The following ZFHX3 variants were observed in gnomAD, a reference collection of about 807,000 sequenced individuals.
ZFHX3 encodes zinc finger homeobox protein 3.
A neutral mutation model predicts 279.1 loss-of-function variants in ZFHX3; 42 were observed. The ratio of observed to expected loss-of-function variants is 0.15; its 90% confidence interval spans 0.12 to 0.19. The LOEUF (loss-of-function observed/expected upper bound fraction) is 0.19. Ranked by LOEUF, ZFHX3 falls within the 10% of genes least tolerant of loss-of-function variation. The probability of loss-of-function intolerance (pLI) is 1.00; values close to 1 mark genes in which losing one functional copy is unlikely to be tolerated. For synonymous variants in ZFHX3, 2,293 were observed against 1,957.8 expected (o/e 1.17, Z -4.52); for missense variants, 4,981 against 4,754.0 (o/e 1.05, Z -1.40).
At chr16:73,433,606 A>G (rs1187277476) in intron 3 of ZFHX3, among the ~76,000 whole-genome samples, 1 of 152,116 alleles carries the variant, frequency 6.6e-6, no homozygotes, top group Non-Finnish European at 1.5e-5. Context: ...TTTGCTTGCC[A>G]AGAGCAGTTT....
chr16:73,448,334 G>A (rs1450073457), intron 3 of ZFHX3, among the ~76,000 whole-genome samples: 1 of 152,032 alleles, frequency 6.6e-6, no homozygotes. Flanking sequence ...AGTTAAATAT[G>A]GCACACATTT....
At chr16:73,803,798 TAAAAGG>T (rs1293466191) in intron 1 of ZFHX3, among the ~76,000 whole-genome samples, 3 of 152,114 alleles carry the variant, frequency 2.0e-5, no homozygotes, top group Non-Finnish European at 4.4e-5. Context: ...TAAAGTAAAA[TAAAAGG>T]AACAATTTTT....
intron 1 of ZFHX3, among the ~76,000 whole-genome samples, chr16:73,687,011 A>AATATATATATATATATATATAT (rs58565282): frequency 1.9e-5 from 1 of 53,228 alleles, no homozygotes; most frequent in Non-Finnish European, 3.5e-5. Context: ...TTTGCAGCTA[A>AATATATATATATATATATATAT]ATATATATAT....
chr16:73,793,923 G>A (rs1288504599), intron 1 of ZFHX3, among the ~76,000 whole-genome samples: 2 of 151,446 alleles, frequency 1.3e-5, no homozygotes, highest in Non-Finnish European at 2.9e-5. Flanking sequence ...CCTTTGGGTG[G>A]TGATTGGGGG....
At chr16:72,899,744 A>C (rs560531299) in intron 3 of ZFHX3, among the ~76,000 whole-genome samples, 1 of 152,184 alleles carries the variant, frequency 6.6e-6, no homozygotes, top group African/African-American at 2.4e-5. Context: ...AACAGGGACA[A>C]TAACAGAGCC....
chr16:72,790,728 C>G (rs2035662825), intron 9 of ZFHX3: 1 of 152,160 alleles, frequency 6.6e-6, no homozygotes, highest in Non-Finnish European at 1.5e-5. Context: ...GTTAAATTGG[C>G]ACAAACAAGA....
chr16:73,067,596 G>A (rs923478111), intron 8 of ZFHX3, among the ~76,000 whole-genome samples: 1 of 152,200 alleles, frequency 6.6e-6, no homozygotes, highest in Non-Finnish European at 1.5e-5. Flanking sequence ...ACTAGTTCCT[G>A]CTGTGCAGTT....
At chr16:73,263,940 G>A (rs1444027593) in intron 4 of ZFHX3, among the ~76,000 whole-genome samples, 1 of 152,198 alleles carries the variant, frequency 6.6e-6, no homozygotes, top group Admixed American at 6.5e-5. Flanking sequence ...GCCCAGGAGG[G>A]CAGATCACTT....
chr16:73,518,410 T>G (rs2019558740), intron 2 of ZFHX3, among the ~76,000 whole-genome samples: 1 of 152,256 alleles, frequency 6.6e-6, no homozygotes, highest in South Asian at 2.1e-4. Flanking sequence ...AATTACCCTT[T>G]GCCAAATGGC....
chr16:73,364,106 G>A (rs940910018), intron 3 of ZFHX3, among the ~76,000 whole-genome samples: 2 of 151,942 alleles, frequency 1.3e-5, no homozygotes, highest in African/African-American at 4.8e-5. Context: ...CCAGGAGGCG[G>A]AGGTTGCAGT....
chr16:73,293,452 G>T (rs2014825002), intron 4 of ZFHX3, among the ~76,000 whole-genome samples: 1 of 152,140 alleles, frequency 6.6e-6, no homozygotes, highest in Non-Finnish European at 1.5e-5. Context: ...CATCATAAAT[G>T]GTACTTTCAA....
intron 7 of ZFHX3, among the ~76,000 whole-genome samples, chr16:73,099,927 T>C (rs1966211074): frequency 6.6e-6 from 1 of 152,128 alleles, no homozygotes; most frequent in Admixed American, 6.6e-5. Flanking sequence ...GCCTTCTCAG[T>C]GGAATCCCTT....
At chr16:73,340,041 C>T (rs2016001536) in intron 3 of ZFHX3, among the ~76,000 whole-genome samples, 1 of 152,200 alleles carries the variant, frequency 6.6e-6, no homozygotes, top group Admixed American at 6.5e-5. Flanking sequence ...TAGCACCTGA[C>T]AGCTCAGAGG....
At chr16:72,852,848 G>A (rs191842741) in intron 4 of ZFHX3, among the ~76,000 whole-genome samples, 31 of 152,268 alleles carry the variant, frequency 2.0e-4, no homozygotes, top group African/African-American at 7.0e-4. Flanking sequence ...GAACAGAAGA[G>A]TCCTCTATTC....
At chr16:73,761,015 A>G (rs1415479702) in intron 1 of ZFHX3, among the ~76,000 whole-genome samples, 3 of 151,116 alleles carry the variant, frequency 2.0e-5, no homozygotes, top group Non-Finnish European at 4.4e-5. Flanking sequence ...AAAAAAGGGT[A>G]TTAAAAGAGG....
At chr16:73,754,668 G>A (rs1015599211) in intron 1 of ZFHX3, among the ~76,000 whole-genome samples, 1 of 152,070 alleles carries the variant, frequency 6.6e-6, no homozygotes, top group Non-Finnish European at 1.5e-5. Flanking sequence ...CTTTACTTCC[G>A]ACTAGCCTTG....
At chr16:73,587,695 C>T (rs1457958646) in intron 2 of ZFHX3, among the ~76,000 whole-genome samples, 1 of 152,070 alleles carries the variant, frequency 6.6e-6, no homozygotes, top group African/African-American at 2.4e-5. Context: ...AGAAAACATA[C>T]CCAATAGAGA....
chr16:73,316,671 T>C (rs1194583442), intron 4 of ZFHX3, among the ~76,000 whole-genome samples: 2 of 152,204 alleles, frequency 1.3e-5, no homozygotes, highest in East Asian at 3.8e-4. Flanking sequence ...AGTACTTTGG[T>C]GACCTCAGCA....
chr16:73,491,808 G>A (rs1002127559), intron 2 of ZFHX3, among the ~76,000 whole-genome samples: 1 of 152,098 alleles, frequency 6.6e-6, no homozygotes, highest in Non-Finnish European at 1.5e-5. Flanking sequence ...AGTAGGTAAA[G>A]GCCACGGATG....
Sources: allele counts gnomAD v4.1 joint callset (sites outside exome capture counted in the v4.1 genomes callset), GRCh38; gene constraint gnomAD v4.1.1; transcripts MANE v1.5; gene names NCBI Gene and HGNC (gene_info 2026-07-23, HGNC 2026-07-21).